KRTAP1-1: variants seen among roughly 807,000 people sequenced by gnomAD.
The protein encoded by KRTAP1-1 is keratin associated protein 1-1.
A neutral mutation model predicts 14.1 loss-of-function variants in KRTAP1-1; 9 were observed. The ratio of observed to expected loss-of-function variants is 0.64; its 90% CI spans 0.39 to 1.12. The LOEUF is 1.12. Among genes scored for constraint, KRTAP1-1 ranks in the 50% most tolerant of loss-of-function variants. The pLI is 0.01. For synonymous variants in KRTAP1-1, 77 were observed against 80.5 expected (o/e 0.96, Z 0.23); for missense variants, 179 against 230.9 (o/e 0.78, Z 1.46).
rs2012686368 is a variant in KRTAP1-1 at position 41,040,559 on chromosome 17, C to T, written c.*305G>A. On this transcript the variant is annotated 3_prime_UTR_variant, in exon 1 of 1. Coordinates refer to ENST00000306271, the MANE Select transcript of KRTAP1-1 (RefSeq NM_030967.3). ...AAGAAAGTTCAAACAACAACTTCAT[C>T]ATTGAAGAGATGAAAACTTTTATTA... The T allele has an allele frequency of 6.0e-6, 2 of 330,886 alleles. No homozygotes were observed. Among genetic ancestry groups the T allele is most frequent in the Non-Finnish European group, 1.1e-5 (2 of 182,840 alleles). The allele number at this position is 330,886 out of a possible 1,614,324, so 20.5% of individuals were successfully genotyped here.
chr17:41,040,951 G>C lies in KRTAP1-1; in HGVS notation c.447C>G (p.Ala149=), dbSNP rs749071844. 6.2e-7 allele frequency: 1 copy of C among 1,613,298 alleles called. No individual in the cohort carries two copies. Among genetic ancestry groups the C allele is most frequent in the Non-Finnish European group, 8.5e-7 (1 of 1,179,634 alleles). The change falls in exon 1 of 1, where the codon GCC becomes GCG. Residue 149 remains alanine, a synonymous_variant. Transcript: ENST00000306271. ...TPPSCCQLHH[A]EASCCRPSYC... Reference sequence around the variant, plus strand: ...AGGATGGGCGGCAGCAGGAGGCCTCGGCGTGGTGCAGCTGGCAGCAGGATG... The same window carrying C: ...AGGATGGGCGGCAGCAGGAGGCCTCCGCGTGGTGCAGCTGGCAGCAGGATG...
At position 41,040,885 on chromosome 17, in the gene KRTAP1-1, G is replaced by A; in HGVS notation, c.513C>T (p.Tyr171=). 1 of 1,591,222 alleles carries A rather than the reference G, an allele frequency of 6.3e-7. No homozygotes were observed. ...GTTTTCAACAAGTGGGCTCAGAGCA[G>A]TAGCAGCAGCAGACTGGGCGGCAAC... The part of the protein sequence containing the change: ...QSCCRPVCCC[Y]CSEPTC The change falls in exon 1 of 1, where the codon TAC becomes TAT. Residue 171 remains tyrosine, a synonymous_variant. Coordinates refer to ENST00000306271, the MANE Select transcript of KRTAP1-1 (RefSeq NM_030967.3).
Position 41,040,802 on chromosome 17 carries a change from G to A in KRTAP1-1, c.*62C>T. Reference sequence around the variant, plus strand: ...GGTACTGGAGTTCAGAAGATTGTTAGGATTCTAATTTGGCTAGTTTTAAGG... The same window carrying A: ...GGTACTGGAGTTCAGAAGATTGTTAAGATTCTAATTTGGCTAGTTTTAAGG... On this transcript the variant is annotated 3_prime_UTR_variant, in exon 1 of 1. Coordinates refer to ENST00000306271, the MANE Select transcript of KRTAP1-1 (RefSeq NM_030967.3). 6.7e-7 allele frequency: 1 copy of A among 1,483,478 alleles called. No homozygotes were observed. Among genetic ancestry groups the A allele is most frequent in the Non-Finnish European group, 9.1e-7 (1 of 1,102,442 alleles). 91.9% of individuals were successfully genotyped at this position (1,483,478 alleles called of 1,614,324 possible).
rs200919206 is a variant in KRTAP1-1, at chr17:41,040,954, G to A, written c.444C>T (p.His148=). The A allele has an allele frequency of 5.5e-5, 88 of 1,613,626 alleles. 1 individual carries two copies. Among genetic ancestry groups the A allele is most frequent in the East Asian group, 2.9e-4 (13 of 44,876 alleles). Residue 148 remains histidine (H), a synonymous_variant, in exon 1 of 1, where the codon CAC becomes CAT. Coordinates refer to ENST00000306271, the MANE Select transcript of KRTAP1-1 (RefSeq NM_030967.3). ...ATGGGCGGCAGCAGGAGGCCTCGGC[G>A]TGGTGCAGCTGGCAGCAGGATGGGG... ...CTPPSCCQLH[H]AEASCCRPSY... is the part of the protein sequence containing the mutation.
Position 41,040,833 on chromosome 17 carries a change from T to C in KRTAP1-1, c.*31A>G. 1 of 1,541,028 alleles carries C rather than the reference T, an allele frequency of 6.5e-7. No individual in the cohort carries two copies. The highest frequency in any genetic ancestry group is 2.3e-5 in the East Asian group (1 of 44,136). On this transcript the variant is annotated 3_prime_UTR_variant, in exon 1 of 1. Transcript: ENST00000306271. ...TAATTTGGCTAGTTTTAAGGTGCCA[T>C]CTTATCAGGATCCCCAGCAGAAGGA...
chr17:41,040,935 G>A lies in KRTAP1-1; in HGVS notation c.463C>T (p.Arg155Cys), dbSNP rs529667115. 558 of 1,612,814 alleles carry A rather than the reference G, an allele frequency of 3.5e-4. 5 individuals carry two copies. The South Asian group carries it at 5.4e-3, about 16-fold the overall frequency. Residue 155 changes from arginine (R) to cysteine (C), a missense_variant, in exon 1 of 1, where the codon CGC (arginine) becomes TGC (cysteine). Coordinates refer to ENST00000306271, the MANE Select transcript of KRTAP1-1 (RefSeq NM_030967.3). Reference protein sequence around the residue: ...QLHHAEASCCRPSYCGQSCCR... With the variant: ...QLHHAEASCCCPSYCGQSCCR... ...CAGGACTGTCCACAGTAGGATGGGC[G>A]GCAGCAGGAGGCCTCGGCGTGGTGC...
rs758015972 is a variant in KRTAP1-1, at chr17:41,040,819, G to T, written c.*45C>A. 204 of 1,525,708 alleles carry T rather than the reference G, an allele frequency of 1.3e-4. No individual in the cohort carries two copies. The highest frequency in any genetic ancestry group is 3.6e-4 in the Middle Eastern group (2 of 5,594). 94.5% of individuals were successfully genotyped at this position (1,525,708 alleles called of 1,614,324 possible). On this transcript the variant is annotated 3_prime_UTR_variant, in exon 1 of 1. Coordinates refer to ENST00000306271, the MANE Select transcript of KRTAP1-1 (RefSeq NM_030967.3). Reference sequence around the variant, plus strand: ...GATTGTTAGGATTCTAATTTGGCTAGTTTTAAGGTGCCATCTTATCAGGAT... The same window carrying T: ...GATTGTTAGGATTCTAATTTGGCTATTTTTAAGGTGCCATCTTATCAGGAT...
rs777971391 is a variant in KRTAP1-1 at position 41,041,351 on chromosome 17, G to A, written c.47C>T (p.Thr16Ile). ...TSFCGFPSCS[T>I]SGTCGSSCCQ... Reference sequence around the variant, plus strand: ...GCAGCTGGAGCCGCAGGTCCCACTGGTGGAGCAGCTGGGAAATCCACAGAA... The same window carrying A: ...GCAGCTGGAGCCGCAGGTCCCACTGATGGAGCAGCTGGGAAATCCACAGAA... The change falls in exon 1 of 1, where the codon ACC (threonine) becomes ATC (isoleucine). Residue 16 changes from threonine to isoleucine, a missense_variant. Physicochemically the swap from Thr to Ile is moderately conservative, Grantham distance 89. Transcript: ENST00000306271. 3.2e-6 allele frequency: 5 copies of A among 1,539,294 alleles called. No individual in the cohort carries two copies. In the African/African-American group the frequency reaches 8.0e-5, roughly 25 times the overall value.
In KRTAP1-1 at chr17:41,041,005, G is replaced by A. The variant is rs534898730; in HGVS notation, c.393C>T (p.Pro131=). 6 of 1,613,852 alleles carry A rather than the reference G, an allele frequency of 3.7e-6. No homozygotes were observed. Among genetic ancestry groups the A allele is most frequent in the Non-Finnish European group, 5.1e-6 (6 of 1,180,014 alleles). The change falls in exon 1 of 1, where the codon CCC becomes CCT. Residue 131 remains proline (P), a synonymous_variant. Transcript: ENST00000306271. ...GTGTGCAGCTCACCACGCAGCAGGG[G>A]GGCAGGCAGGTACCCTCCACACGGC... ...PDCRVEGTCL[P]PCCVVSCTPP...
In KRTAP1-1 at chr17:41,041,103, C is replaced by T. The variant is rs1472785388; in HGVS notation, c.295G>A (p.Gly99Ser). 7 of 1,614,000 alleles carry T rather than the reference C, an allele frequency of 4.3e-6. No homozygotes were observed. The highest frequency in any genetic ancestry group is 5.1e-6 in the Non-Finnish European group (6 of 1,179,956). The change falls in exon 1 of 1, where the codon GGT (glycine) becomes AGT (serine). Residue 99 changes from glycine (G) to serine (S), a missense_variant. Gly to Ser is a moderately conservative substitution (Grantham distance 56). Transcript: ENST00000306271. ...SSCGTGCGIG[G>S]GIGYGQEGSS... ...CCCTCCTGGCCATAGCCAATGCCAC[C>T]ACCAATGCCACAGCCAGTTCCGCAG...
Position 41,040,883 on chromosome 17 carries a change from C to CAGT in KRTAP1-1, c.512_514dup (p.Tyr171dup). On this transcript the variant is annotated inframe_insertion, in exon 1 of 1. Coordinates refer to ENST00000306271, the MANE Select transcript of KRTAP1-1 (RefSeq NM_030967.3). ...AGGTTTTCAACAAGTGGGCTCAGAG[C>CAGT]AGTAGCAGCAGCAGACTGGGCGGCA... 1.3e-6 allele frequency: 2 copies of CAGT among 1,589,230 alleles called. No individual in the cohort carries two copies. The highest frequency in any genetic ancestry group is 1.7e-6 in the Non-Finnish European group (2 of 1,164,368).
rs2012691782 is a variant in KRTAP1-1, at chr17:41,040,796, T to C, written c.*68A>G. ...GTTATAGGTACTGGAGTTCAGAAGA[T>C]TGTTAGGATTCTAATTTGGCTAGTT... On this transcript the variant is annotated 3_prime_UTR_variant, in exon 1 of 1. Transcript: ENST00000306271. 3 of 1,463,830 alleles carry C rather than the reference T, an allele frequency of 2.0e-6. No homozygotes were observed. The highest frequency in any genetic ancestry group is 2.3e-5 in the Admixed American group (1 of 44,376). The allele number at this position is 1,463,830 out of a possible 1,614,324, so 90.7% of individuals were successfully genotyped here.
In KRTAP1-1 at chr17:41,040,988, C is replaced by G; in HGVS notation, c.410G>C (p.Ser137Thr). 1 of 1,613,888 alleles carries G rather than the reference C, an allele frequency of 6.2e-7. No homozygotes were observed. The highest frequency in any genetic ancestry group is 1.7e-4 in the Middle Eastern group (1 of 5,882). ...GTCLPPCCVVSCTPPSCCQLH... is the reference protein window; with the variant it reads ...GTCLPPCCVVTCTPPSCCQLH... ...CTGGCAGCAGGATGGGGGTGTGCAG[C>G]TCACCACGCAGCAGGGGGGCAGGCA... The change falls in exon 1 of 1, where the codon AGC (serine) becomes ACC (threonine). Residue 137 changes from serine to threonine, a missense_variant. Physicochemically the swap from Ser to Thr is moderately conservative, Grantham distance 58 (BLOSUM62 1). Transcript: ENST00000306271.
rs992404158 is a variant in KRTAP1-1, at chr17:41,040,560, A to G, written c.*304T>C. 10 of 332,802 alleles carry G rather than the reference A, an allele frequency of 3.0e-5. No homozygotes were observed. In the South Asian group the frequency reaches 6.8e-4, roughly 23 times the overall value. 20.6% of individuals were successfully genotyped at this position (332,802 alleles called of 1,614,324 possible). On this transcript the variant is annotated 3_prime_UTR_variant, in exon 1 of 1. Transcript: ENST00000306271. Reference sequence around the variant, plus strand: ...AGAAAGTTCAAACAACAACTTCATCATTGAAGAGATGAAAACTTTTATTAA... The same window carrying G: ...AGAAAGTTCAAACAACAACTTCATCGTTGAAGAGATGAAAACTTTTATTAA...
Position 41,041,216 on chromosome 17 carries a change from G to A in KRTAP1-1, c.182C>T (p.Ser61Leu). 1 of 1,593,358 alleles carries A rather than the reference G, an allele frequency of 6.3e-7. No individual in the cohort carries two copies. The highest frequency in any genetic ancestry group is 1.1e-5 in the South Asian group (1 of 88,424). The change falls in exon 1 of 1, where the codon TCA becomes TTA. Residue 61 changes from serine to leucine, a missense_variant. Coordinates refer to ENST00000306271, the MANE Select transcript of KRTAP1-1 (RefSeq NM_030967.3). ...GCTAGAGTCACAAGTCCCACCGGTTGAGAAGCTAGGAAATCCACAGAAGCT... is the reference window on the plus strand; with the variant it reads ...GCTAGAGTCACAAGTCCCACCGGTTAAGAAGCTAGGAAATCCACAGAAGCT... ...QTSFCGFPSF[S>L]TGGTCDSSCC...
At position 41,040,621 on chromosome 17, in the gene KRTAP1-1, G is replaced by T. The variant is rs187707970; in HGVS notation, c.*243C>A. On this transcript the variant is annotated 3_prime_UTR_variant, in exon 1 of 1. Coordinates refer to ENST00000306271, the MANE Select transcript of KRTAP1-1 (RefSeq NM_030967.3). ...CAATAACTGTTGAAATATTTCAGGTGATATTTATAGTAAAATAGTATCTAA... is the reference window on the plus strand; with the variant it reads ...CAATAACTGTTGAAATATTTCAGGTTATATTTATAGTAAAATAGTATCTAA... 2.1e-5 allele frequency: 9 copies of T among 434,366 alleles called. No homozygotes were observed. Among genetic ancestry groups the T allele is most frequent in the Non-Finnish European group, 3.2e-5 (8 of 246,324 alleles). 26.9% of individuals were successfully genotyped at this position (434,366 alleles called of 1,614,324 possible).
At position 41,041,301 on chromosome 17, in the gene KRTAP1-1, T is replaced by C. The variant is rs2012714397; in HGVS notation, c.97A>G (p.Ser33Gly). Reference sequence around the variant, plus strand: ...TCACAGCAGCGTGGCTGGCAGGAGCTGGTCTCACAGCAGCTTGGCTGGCAG... The same window carrying C: ...TCACAGCAGCGTGGCTGGCAGGAGCCGGTCTCACAGCAGCTTGGCTGGCAG... ...SCCQPSCCETSSCQPRCCETS... is the reference protein window; with the variant it reads ...SCCQPSCCETGSCQPRCCETS... Residue 33 changes from serine to glycine, a missense_variant, in exon 1 of 1, where the codon AGC becomes GGC. Coordinates refer to ENST00000306271, the MANE Select transcript of KRTAP1-1 (RefSeq NM_030967.3). 8 of 1,527,224 alleles carry C rather than the reference T, an allele frequency of 5.2e-6. No individual in the cohort carries two copies. Among genetic ancestry groups the C allele is most frequent in the Admixed American group, 2.1e-5 (1 of 48,414 alleles). 94.6% of individuals were successfully genotyped at this position (1,527,224 alleles called of 1,614,324 possible). A position where few individuals can be genotyped will look rare whatever the true frequency, so the allele number is the denominator to read the frequency against.
At position 41,040,987 on chromosome 17, in the gene KRTAP1-1, G is replaced by A. The variant is rs776053521; in HGVS notation, c.411C>T (p.Ser137=). Residue 137 remains serine, a synonymous_variant, in exon 1 of 1, where the codon AGC becomes AGT. Coordinates refer to ENST00000306271, the MANE Select transcript of KRTAP1-1 (RefSeq NM_030967.3). ...GCTGGCAGCAGGATGGGGGTGTGCA[G>A]CTCACCACGCAGCAGGGGGGCAGGC... ...GTCLPPCCVV[S]CTPPSCCQLH... 1.9e-6 allele frequency: 3 copies of A among 1,613,820 alleles called. No homozygotes were observed. Among genetic ancestry groups the A allele is most frequent in the South Asian group, 1.1e-5 (1 of 91,046 alleles).
chr17:41,041,259 G>C lies in KRTAP1-1; in HGVS notation c.139C>G (p.Pro47Ala), dbSNP rs2012712499. 6.6e-7 allele frequency: 1 copy of C among 1,505,538 alleles called. No individual in the cohort carries two copies. Among genetic ancestry groups the C allele is most frequent in the African/African-American group, 1.9e-5 (1 of 52,524 alleles). 93.3% of individuals were successfully genotyped at this position (1,505,538 alleles called of 1,614,324 possible). Residue 47 changes from proline to alanine, a missense_variant, in exon 1 of 1, where the codon CCA becomes GCA. Coordinates refer to ENST00000306271, the MANE Select transcript of KRTAP1-1 (RefSeq NM_030967.3). ...PRCCETSCCQ[P>A]SCCQTSFCGF... ...CAGAAGCTGGTCTGGCAGCAGCTTG[G>C]CTGGCAGCAGCTGGTCTCACAGCAG...
Sources: gnomAD v4.1 joint callset for allele counts on GRCh38, gnomAD v4.1.1 for gene constraint, MANE v1.5 for transcripts, NCBI Gene and HGNC (gene_info 2026-07-23, HGNC 2026-07-21) for gene names.